The following TMEM63A variants were observed in gnomAD, a reference collection of about 807,000 sequenced individuals.
TMEM63A encodes transmembrane protein 63A.
In TMEM63A, 76 loss-of-function variants were observed where a neutral mutation model predicts 100.6. The observed-to-expected ratio is 0.76, with a 90% confidence interval of 0.63 to 0.91. The LOEUF is 0.91. Ranked by LOEUF, TMEM63A falls within the 40% of genes least tolerant of loss-of-function variation. TMEM63A has a pLI of 0.00. For missense variants in TMEM63A, 876 were observed against 1,008.8 expected (o/e 0.87, Z 1.78); for synonymous variants, 401 against 401.1 (o/e 1.00, Z 0.00).
chr1:225,848,821 C>A, intron 22 of TMEM63A, 76 bp downstream of exon 22: 1 of 1,178,728 alleles, frequency 8.5e-7, no homozygotes. Flanking sequence ...CAAGGGTGGG[C>A]GGGGTTGACA....
In TMEM63A at chr1:225,846,658, C is replaced by T. The variant is rs760044061; in HGVS notation, c.*281G>A. ...ACATCTCTCTCTCCATATATTCTCCCGGACTCATCAGTTTGGGGGGCGAAA... is the reference window on the plus strand; with the variant it reads ...ACATCTCTCTCTCCATATATTCTCCTGGACTCATCAGTTTGGGGGGCGAAA... On this transcript the variant is annotated 3_prime_UTR_variant, in exon 25 of 25. Coordinates refer to ENST00000366835, the MANE Select transcript of TMEM63A (RefSeq NM_014698.3). The T allele has an allele frequency of 7.6e-5, 14 of 184,950 alleles. No homozygotes were observed. The highest frequency in any genetic ancestry group is 1.1e-4 in the Non-Finnish European group (10 of 89,796). 11.5% of individuals were successfully genotyped at this position (184,950 alleles called of 1,614,324 possible). A position where few individuals can be genotyped will look rare whatever the true frequency, so the allele number is the denominator to read the frequency against.
chr1:225,857,856 T>C (rs985299562), intron 15 of TMEM63A, among the ~76,000 whole-genome samples: 3 of 152,226 alleles, frequency 2.0e-5, no homozygotes, highest in Non-Finnish European at 2.9e-5. Context: ...TATTAAAAGA[T>C]TGGCAAAGGA....
At chr1:225,869,666 C>CTTTTTTTT (rs10638876) in intron 6 of TMEM63A, among the ~76,000 whole-genome samples, 2 of 109,900 alleles carry the variant, frequency 1.8e-5, no homozygotes, top group Non-Finnish European at 3.5e-5. Context: ...CTTTTCTTTT[C>CTTTTTTTT]TTTTTTTTTT....
chr1:225,881,535 G>A (rs536137678), intron 1 of TMEM63A, among the ~76,000 whole-genome samples: 1 of 152,308 alleles, frequency 6.6e-6, no homozygotes, highest in African/African-American at 2.4e-5. Context: ...CAAAGGAGAG[G>A]GGCGTGTGAA....
At chr1:225,842,960 A>T (rs1026248565), downstream of TMEM63A, among the ~76,000 whole-genome samples, 1 of 152,196 alleles carries the variant, frequency 6.6e-6, no homozygotes, top group Admixed American at 6.5e-5. Flanking sequence ...CTCAGGCTTC[A>T]CCAAGGTCAG....
At chr1:225,876,790 G>A (rs978169060) in intron 3 of TMEM63A, among the ~76,000 whole-genome samples, 13 of 152,164 alleles carry the variant, frequency 8.5e-5, no homozygotes, top group South Asian at 2.1e-4. Context: ...CGGGATTACA[G>A]GCGCCGACCA....
In TMEM63A at chr1:225,851,702, G is replaced by A. The variant is rs965090542; in HGVS notation, c.1903+962C>T. 2.9e-4 allele frequency among the ~76,000 whole-genome samples: 44 copies of A among 152,272 alleles called. No homozygotes were observed. The Middle Eastern group carries it at 0.01, about 35-fold the overall frequency. On this transcript the variant is annotated intron_variant, in intron 20 of 24. Transcript: ENST00000366835. ...TTTTTTAAAAAATAAATTTTGTTTT[G>A]AAAGTGTAAATACTGTAGATTTTTA...
At chr1:225,845,054 A>C, downstream of TMEM63A, 1 of 1,365,796 alleles carries the variant, frequency 7.3e-7, no homozygotes, top group East Asian at 2.3e-5. Context: ...GGGCCAGCTG[A>C]TCTCACCCCC....
At position 225,859,257 on chromosome 1, in the gene TMEM63A, G is replaced by A; in HGVS notation, c.1316C>T (p.Pro439Leu). Reference sequence around the variant, plus strand: ...GTCCATGGTGGACAGGATGATGGAGGGTGTGGTCAGGAAAAATAGCCCCAG... The same window carrying A: ...GTCCATGGTGGACAGGATGATGGAGAGTGTGGTCAGGAAAAATAGCCCCAG... ...LFLGLFFLTT[P>L]SIILSTMDKF... The change falls in exon 15 of 25, where the codon CCC becomes CTC. Residue 439 changes from proline (P) to leucine (L), a missense_variant. Pro to Leu is a moderately conservative substitution (Grantham distance 98, BLOSUM62 -3). Coordinates refer to ENST00000366835, the MANE Select transcript of TMEM63A (RefSeq NM_014698.3). 6.2e-7 allele frequency: 1 copy of A among 1,614,088 alleles called. No homozygotes were observed. Among genetic ancestry groups the A allele is most frequent in the Non-Finnish European group, 8.5e-7 (1 of 1,180,028 alleles).
intron 8 of TMEM63A, 192 bp from the exon 9 acceptor site, chr1:225,866,874 C>T: frequency 1.5e-6 from 1 of 672,562 alleles, no homozygotes. Context: ...GGGTCCCCAT[C>T]CCTGTCCTGA....
intron 13 of TMEM63A, chr1:225,861,984 A>T: frequency 1.6e-6 from 1 of 627,914 alleles, no homozygotes; most frequent in Non-Finnish European, 2.7e-6. Flanking sequence ...CGAGGGGGTC[A>T]GCCAGAATCA....
At chr1:225,876,040 T>A (rs1670781679) in intron 3 of TMEM63A, among the ~76,000 whole-genome samples, 1 of 113,552 alleles carries the variant, frequency 8.8e-6, no homozygotes. Flanking sequence ...TACTTCAGCC[T>A]GGGTGACAGT....
rs1669456016 is a variant in TMEM63A at position 225,853,509 on chromosome 1, G to C, written c.1797+120C>G. The stretch of plus-strand genomic sequence containing the variant: ...AGCACTTAGCCCAGTGCCTGCACTA[G>C]TGGGTAGTCAGGTAAATGCTACCCA... On this transcript the variant is annotated intron_variant, in intron 19 of 24. Coordinates refer to ENST00000366835, the MANE Select transcript of TMEM63A (RefSeq NM_014698.3). The surrounding 1 kb of genome is among the most constrained non-coding windows in gnomAD (Gnocchi z 4.0). 1.8e-6 allele frequency: 2 copies of C among 1,086,834 alleles called. No homozygotes were observed. Among genetic ancestry groups the C allele is most frequent in the Non-Finnish European group, 2.5e-6 (2 of 785,214 alleles). The allele number at this position is 1,086,834 out of a possible 1,614,324, so 67.3% of individuals were successfully genotyped here.
chr1:225,852,594 C>T (rs550267059), intron 20 of TMEM63A, 70 bp downstream of exon 20: 4 of 1,473,352 alleles, frequency 2.7e-6, no homozygotes, highest in East Asian at 4.5e-5. Flanking sequence ...GATAGCTGTC[C>T]CCGAGAGGTT....
rs115446082 is a variant in TMEM63A, at chr1:225,867,990, G to C, written c.412C>G (p.His138Asp). 9.7e-5 allele frequency: 157 copies of C among 1,614,130 alleles called. 1 individual carries two copies. In the East Asian group the frequency reaches 3.1e-3, roughly 32 times the overall value. Residue 138 changes from histidine to aspartate, a missense_variant, in exon 7 of 25, where the codon CAC becomes GAC. Around this residue, in one of 5 missense-constraint regions of TMEM63A, gnomAD observed 487 missense variants for 581.9 expected, o/e 0.84. Coordinates refer to ENST00000366835, the MANE Select transcript of TMEM63A (RefSeq NM_014698.3). This position sits in a 1 kb window ranked among gnomAD's most constrained non-coding sequence, Gnocchi z 4.6. ...ATGTGCCTCTGGAAGGACAGGTAGTGGATGGCGTCCTCCCCACACCATTCC... is the reference window on the plus strand; with the variant it reads ...ATGTGCCTCTGGAAGGACAGGTAGTCGATGGCGTCCTCCCCACACCATTCC... The part of the protein sequence containing the change: ...ILEWCGEDAI[H>D]YLSFQRHIIF...
At chr1:225,863,186 TGG>T (rs1387623255) in intron 10 of TMEM63A, 1 of 288,484 alleles carries the variant, frequency 3.5e-6, no homozygotes, top group Non-Finnish European at 6.7e-6. Context: ...CCTGAGTAGC[TGG>T]GGCTACAGGC....
downstream of TMEM63A, chr1:225,840,935 A>C (rs1180859103): frequency 6.6e-6 from 1 of 152,236 alleles, no homozygotes; most frequent in African/African-American, 2.4e-5. Flanking sequence ...TGATTATAAA[A>C]TACATGTTGT....
intron 3 of TMEM63A, among the ~76,000 whole-genome samples, chr1:225,876,522 C>A (rs550945943): frequency 2.4e-4 from 37 of 152,320 alleles, no homozygotes; most frequent in African/African-American, 8.4e-4. Flanking sequence ...TCTCAGCCAG[C>A]CAACGTTGAG....
Position 225,867,153 on chromosome 1 carries a change from C to T in TMEM63A, c.525G>A (p.Pro175=), listed in dbSNP as rs369091558. 5.4e-5 allele frequency: 87 copies of T among 1,614,130 alleles called. No homozygotes were observed. In the Middle Eastern group the frequency reaches 1.2e-3, roughly 21 times the overall value. ...CTATTGTTGTCCTCCCAAAACTATA[C>T]GGGTCTTTGTCTGCAGAGAAGCACA... ...NLSGDLLDKD[P]YSFGRTTIAN... The change falls in exon 8 of 25, where the codon CCG becomes CCA. Residue 175 remains proline (P), a synonymous_variant. Transcript: ENST00000366835. The surrounding 1 kb of genome is among the most constrained non-coding windows in gnomAD (Gnocchi z 4.6).
Sources: allele counts gnomAD v4.1 joint callset (sites outside exome capture counted in the v4.1 genomes callset), GRCh38; gene constraint gnomAD v4.1.1; regional missense constraint gnomAD v4.1.1; non-coding constraint Gnocchi (gnomAD v3.1); transcripts MANE v1.5; gene names NCBI Gene and HGNC (gene_info 2026-07-23, HGNC 2026-07-21).